Variants in PCDHGA5 observed in about 807,000 individuals in gnomAD.
The protein encoded by PCDHGA5 is protocadherin gamma-A5.
A neutral mutation model predicts 56.7 loss-of-function variants in PCDHGA5; 36 were observed. The observed-to-expected ratio is 0.64, with a 90% CI of 0.49 to 0.84. The LOEUF (loss-of-function observed/expected upper bound fraction) is 0.84, where lower values mean the gene tolerates loss of function less well. Ranked by LOEUF, PCDHGA5 falls within the 40% of genes least tolerant of loss-of-function variation. The pLI, the probability that PCDHGA5 is intolerant of heterozygous loss-of-function variation, is 0.00. For synonymous variants in PCDHGA5, 563 were observed against 520.2 expected (o/e 1.08, Z -1.12); for missense variants, 1,305 against 1,201.5 (o/e 1.09, Z -1.27).
At chr5:141,405,394 C>A (rs761584699) in intron 1 of PCDHGA5, 7 of 1,593,014 alleles carry the variant, frequency 4.4e-6, no homozygotes, top group Non-Finnish European at 6.0e-6. Context: ...CATTTTTTTT[C>A]TTTCTTTCTT....
intron 1 of PCDHGA5, chr5:141,427,712 C>A: frequency 9.5e-7 from 1 of 1,051,464 alleles, no homozygotes; most frequent in Non-Finnish European, 1.4e-6. Context: ...GCGCCTCTGA[C>A]CTGGACCTAG....
intron 1 of PCDHGA5, chr5:141,404,335 C>G (rs2094514976): frequency 1.2e-6 from 2 of 1,613,936 alleles, no homozygotes; most frequent in Non-Finnish European, 1.7e-6. Context: ...CAGTCTACCT[C>G]CCGGAAAACA....
intron 1 of PCDHGA5, among the ~76,000 whole-genome samples, chr5:141,455,291 A>G (rs1212745731): frequency 6.6e-6 from 1 of 152,072 alleles, no homozygotes; most frequent in Non-Finnish European, 1.5e-5. Flanking sequence ...CACTTTACAT[A>G]GTTTCATCTT....
At chr5:141,411,954 A>T (rs563669924) in intron 1 of PCDHGA5, 1 of 152,382 alleles carries the variant, frequency 6.6e-6, no homozygotes, top group East Asian at 1.9e-4. Flanking sequence ...TTTTGAAGAA[A>T]AAAGATAAAA....
rs573254227 is a variant in PCDHGA5 at position 141,364,408 on chromosome 5, A to G, written c.78A>G (p.Pro26=). 1.9e-5 allele frequency: 30 copies of G among 1,610,674 alleles called. No homozygotes were observed. Among genetic ancestry groups the G allele is most frequent in the Non-Finnish European group, 2.4e-5 (28 of 1,178,130 alleles). Residue 26 remains proline (P), a synonymous_variant, in exon 1 of 4, where the codon CCA becomes CCG. Transcript: ENST00000518069. Reference sequence around the variant, plus strand: ...TGCTCCTGGGGACGCTGTGCGAGCCAGGATCCGGGCAGATCCGCTACTCGA... The same window carrying G: ...TGCTCCTGGGGACGCTGTGCGAGCCGGGATCCGGGCAGATCCGCTACTCGA... ...PFMLLGTLCE[P]GSGQIRYSMP...
chr5:141,479,860 C>T (rs1374284598), intron 1 of PCDHGA5, among the ~76,000 whole-genome samples: 2 of 152,108 alleles, frequency 1.3e-5, no homozygotes, highest in Admixed American at 6.5e-5. Context: ...AAGGCCTTTG[C>T]CCTGGAGAGA....
At chr5:141,378,173 C>A (rs1774684442) in intron 1 of PCDHGA5, 1 of 152,194 alleles carries the variant, frequency 6.6e-6, no homozygotes. Flanking sequence ...AATAACTAAG[C>A]ACCGATGCTG....
rs1220353816 is a variant in PCDHGA5, at chr5:141,396,426, C to T, written c.2421+29675C>T. Reference sequence around the variant, plus strand: ...CTGAGGTCAGGAGTTCAAGATCAGCCTGGCAAACATGGTGAAACCCCGTCT... The same window carrying T: ...CTGAGGTCAGGAGTTCAAGATCAGCTTGGCAAACATGGTGAAACCCCGTCT... On this transcript the variant is annotated intron_variant, in intron 1 of 3. Coordinates refer to ENST00000518069, the MANE Select transcript of PCDHGA5 (RefSeq NM_018918.3). The T allele has an allele frequency of 5.9e-5, 9 of 152,308 alleles. 1 individual carries two copies. The highest frequency in any genetic ancestry group is 2.2e-4 in the African/African-American group (9 of 41,552). 9.4% of individuals were successfully genotyped at this position (152,308 alleles called of 1,614,324 possible). A position where few individuals can be genotyped will look rare whatever the true frequency, so the allele number is the denominator to read the frequency against.
At position 141,366,042 on chromosome 5, in the gene PCDHGA5, G is replaced by A. The variant is rs1221134506; in HGVS notation, c.1712G>A (p.Gly571Asp). The A allele has an allele frequency of 3.1e-6, 5 of 1,614,242 alleles. No individual in the cohort carries two copies. The highest frequency in any genetic ancestry group is 4.2e-6 in the Non-Finnish European group (5 of 1,180,048). ...EILYPALPTD[G>D]STGVELAPRS... Reference sequence around the variant, plus strand: ...CTGTACCCCGCCCTCCCCACAGACGGTTCCACGGGCGTGGAGCTGGCGCCT... The same window carrying A: ...CTGTACCCCGCCCTCCCCACAGACGATTCCACGGGCGTGGAGCTGGCGCCT... Residue 571 changes from glycine to aspartate, a missense_variant, in exon 1 of 4, where the codon GGT (glycine) becomes GAT (aspartate). Gly to Asp is a moderately conservative substitution (Grantham distance 94, BLOSUM62 -1). Coordinates refer to ENST00000518069, the MANE Select transcript of PCDHGA5 (RefSeq NM_018918.3).
intron 1 of PCDHGA5, among the ~76,000 whole-genome samples, chr5:141,444,152 ATTTTTTTTTTTTTTTTTTTTT>A (rs747671382): frequency 8.9e-5 from 3 of 33,882 alleles, no homozygotes; most frequent in Admixed American, 3.9e-4. Context: ...TGTGTACTGG[ATTTTTTTTTTTTTTTTTTTTT>A]TTTTTTTTTT....
chr5:141,508,540 G>A (rs993826709), intron 3 of PCDHGA5, among the ~76,000 whole-genome samples: 3 of 152,144 alleles, frequency 2.0e-5, no homozygotes, highest in African/African-American at 4.8e-5. Flanking sequence ...CCCCCCACGA[G>A]GTGGGCGGGG....
intron 1 of PCDHGA5, among the ~76,000 whole-genome samples, chr5:141,483,889 CT>C (rs1298469461): frequency 6.6e-6 from 1 of 151,866 alleles, no homozygotes; most frequent in Admixed American, 6.6e-5. Flanking sequence ...TTCTATTTCT[CT>C]GAGCTCTGGT....
chr5:141,374,474 C>G (rs762306215), intron 1 of PCDHGA5: 1 of 1,612,258 alleles, frequency 6.2e-7, no homozygotes, highest in Middle Eastern at 1.7e-4. Context: ...TGACAATACA[C>G]CCCGATTCTT....
chr5:141,382,757 C>T, intron 1 of PCDHGA5: 2 of 657,638 alleles, frequency 3.0e-6, no homozygotes, highest in East Asian at 2.7e-5. Flanking sequence ...GCGATAAGCC[C>T]TCTTCCAGGC....
Position 141,431,587 on chromosome 5 carries a change from A to C in PCDHGA5, c.2422-63220A>C. On this transcript the variant is annotated intron_variant, in intron 1 of 3. Coordinates refer to ENST00000518069, the MANE Select transcript of PCDHGA5 (RefSeq NM_018918.3). This position sits in a 1 kb window ranked among gnomAD's most constrained non-coding sequence, Gnocchi z 4.8. ...ACCCTGACGAAGGAGTCAATGCGGA[A>C]GTGAGGTATTCCTTCCGGTATGTGG... The C allele has an allele frequency of 1.2e-6, 2 of 1,614,236 alleles. No homozygotes were observed. Among genetic ancestry groups the C allele is most frequent in the Non-Finnish European group, 1.7e-6 (2 of 1,180,036 alleles).
rs773114118 is a variant in PCDHGA5, at chr5:141,365,849, A to G, written c.1519A>G (p.Ile507Val). 3.0e-5 allele frequency: 49 copies of G among 1,613,994 alleles called. No individual in the cohort carries two copies. Among genetic ancestry groups the G allele is most frequent in the Middle Eastern group, 3.3e-4 (2 of 6,062 alleles). The change falls in exon 1 of 4, where the codon ATT becomes GTT. Residue 507 changes from isoleucine (I) to valine (V), a missense_variant. Transcript: ENST00000518069. ...GGCGCCCTTGTCCTCCTATGTATCCATTAACTCTGACACCGGTGTCCTGTA... is the reference window on the plus strand; with the variant it reads ...GGCGCCCTTGTCCTCCTATGTATCCGTTAACTCTGACACCGGTGTCCTGTA... Reference protein sequence around the residue: ...QGAPLSSYVSINSDTGVLYAL... With the variant: ...QGAPLSSYVSVNSDTGVLYAL...
At chr5:141,427,982 G>A in intron 1 of PCDHGA5, 1 of 1,596,754 alleles carries the variant, frequency 6.3e-7, no homozygotes, top group Non-Finnish European at 8.6e-7. Flanking sequence ...CCGCGCTGGG[G>A]CCCGATGGCT....
intron 1 of PCDHGA5, chr5:141,410,847 GTCT>G: frequency 6.3e-6 from 1 of 158,248 alleles, no homozygotes. Context: ...TTTTGTCTTT[GTCT>G]TTTTTTTTTT....
intron 1 of PCDHGA5, chr5:141,415,851 T>A: frequency 8.1e-7 from 1 of 1,228,614 alleles, no homozygotes; most frequent in Non-Finnish European, 1.1e-6. Flanking sequence ...TTGCAGAACC[T>A]TGTAGTTTAT....
Sources: allele counts gnomAD v4.1 joint callset (sites outside exome capture counted in the v4.1 genomes callset), GRCh38; gene constraint gnomAD v4.1.1; non-coding constraint Gnocchi (gnomAD v3.1); transcripts MANE v1.5; gene names NCBI Gene and HGNC (gene_info 2026-07-23, HGNC 2026-07-21).